The following CACNA1I variants were observed in gnomAD, a reference collection of about 807,000 sequenced individuals.
CACNA1I encodes calcium voltage-gated channel subunit alpha1 I.
Under a neutral mutation model 201.6 loss-of-function variants are expected in CACNA1I, and 74 were observed. That is an observed-to-expected ratio of 0.37 (90% CI 0.30 to 0.45). The LOEUF (loss-of-function observed/expected upper bound fraction) is 0.45, where lower values mean the gene tolerates loss of function less well. CACNA1I is among the 20% of genes least tolerant of loss of function. The pLI, the probability that CACNA1I is intolerant of heterozygous loss-of-function variation, is 1.00. For synonymous variants in CACNA1I, 1,431 were observed against 1,345.2 expected, an observed-to-expected ratio of 1.06 and a Z score of -1.40; for missense variants, 2,346 against 3,138.1, an observed-to-expected ratio of 0.75 and a Z score of 6.03.
intron 5 of CACNA1I, among the ~76,000 whole-genome samples, chr22:39,636,140 C>G (rs746786411): frequency 1.3e-5 from 2 of 152,242 alleles, no homozygotes; most frequent in Non-Finnish European, 2.9e-5. Context: ...CAGAGGCAGG[C>G]TGGGAGCGAG....
chr22:39,590,199 G>T (rs1291676241), intron 1 of CACNA1I, among the ~76,000 whole-genome samples: 2 of 152,198 alleles, frequency 1.3e-5, no homozygotes, highest in African/African-American at 4.8e-5. Context: ...GGCTTCCCTG[G>T]TGACCCTGTC....
At chr22:39,610,019 G>T (rs3788566) in intron 3 of CACNA1I, among the ~76,000 whole-genome samples, 48,354 of 152,154 alleles carry the variant, frequency 0.32, 9,691 homozygotes, top group East Asian at 0.84. Flanking sequence ...GAATCAGAAG[G>T]CAATCACTTG....
intron 16 of CACNA1I, 37 bp from the exon 17 acceptor site, chr22:39,661,928 C>A: frequency 1.5e-6 from 2 of 1,371,146 alleles, no homozygotes; most frequent in Non-Finnish European, 1.9e-6. Context: ...CGTGGGTGTG[C>A]CTGTGGGGCG....
In CACNA1I at chr22:39,682,103, G is replaced by A. The variant is rs576682161; in HGVS notation, c.5665-393G>A. 3.3e-5 allele frequency among the ~76,000 whole-genome samples: 5 copies of A among 152,254 alleles called. No homozygotes were observed. In the East Asian group the frequency reaches 9.7e-4, roughly 29 times the overall value. ...CAGGGCTGAGGAATGTGGGGGCCAG[G>A]GAATGCCTAGGAAGGTAGGCGTTAC... On this transcript the variant is annotated intron_variant, in intron 34 of 36. Transcript: ENST00000402142.
intron 2 of CACNA1I, among the ~76,000 whole-genome samples, chr22:39,599,914 G>A (rs1335304627): frequency 6.6e-6 from 1 of 152,180 alleles, no homozygotes; most frequent in Non-Finnish European, 1.5e-5. Flanking sequence ...CCGCCCTCAG[G>A]AAGCATAATC....
chr22:39,635,037 C>T lies in CACNA1I; in HGVS notation c.740+313C>T, dbSNP rs909244557. ...TTGTGTATGAAAGCAGGGGGCGAGA[C>T]ATTCCTCCGAGAGAGGATTATTGAC... On this transcript the variant is annotated intron_variant, in intron 5 of 36. Coordinates refer to ENST00000402142, the MANE Select transcript of CACNA1I (RefSeq NM_021096.4). Among the ~76,000 whole-genome samples the T allele has an allele frequency of 2.0e-5, 3 of 152,128 alleles. No individual in the cohort carries two copies. The South Asian group carries it at 6.2e-4, about 32-fold the overall frequency.
intron 3 of CACNA1I, 36 bp from the exon 4 acceptor site, chr22:39,619,274 C>T (rs1933655335): frequency 1.3e-6 from 2 of 1,549,366 alleles, no homozygotes; most frequent in South Asian, 2.2e-5. Flanking sequence ...AGCTGGCCTC[C>T]AGCACCATCC....
chr22:39,590,015 C>T (rs959172879), intron 1 of CACNA1I, among the ~76,000 whole-genome samples: 28 of 152,192 alleles, frequency 1.8e-4, no homozygotes, highest in South Asian at 8.3e-4. Flanking sequence ...AACTGAGTGT[C>T]GCCTGGGCCT....
intron 1 of CACNA1I, among the ~76,000 whole-genome samples, chr22:39,592,921 T>C (rs1241253292): frequency 6.6e-6 from 1 of 152,242 alleles, no homozygotes; most frequent in Non-Finnish European, 1.5e-5. Flanking sequence ...CTGGTGCTTT[T>C]GATCCCTGAG....
intron 4 of CACNA1I, among the ~76,000 whole-genome samples, chr22:39,626,207 G>A (rs910943042): frequency 6.6e-6 from 1 of 152,234 alleles, no homozygotes; most frequent in Non-Finnish European, 1.5e-5. Flanking sequence ...GTGCCTCTCC[G>A]TGCCTCTATT....
intron 4 of CACNA1I, among the ~76,000 whole-genome samples, chr22:39,623,243 G>A (rs879579942): frequency 5.3e-5 from 8 of 152,040 alleles, no homozygotes; most frequent in Non-Finnish European, 1.2e-4. Flanking sequence ...GGACGTGTGT[G>A]CACGAGTGTG....
In CACNA1I at chr22:39,666,232, TTAG is replaced by T. The variant is rs1380187428; in HGVS notation, c.4104+230_4104+232del. Among the ~76,000 whole-genome samples, 1 of 152,096 alleles carries T rather than the reference TTAG, an allele frequency of 6.6e-6. No homozygotes were observed. Among genetic ancestry groups the T allele is most frequent in the African/African-American group, 2.4e-5 (1 of 41,408 alleles). On this transcript the variant is annotated intron_variant, in intron 23 of 36. Coordinates refer to ENST00000402142, the MANE Select transcript of CACNA1I (RefSeq NM_021096.4). The surrounding 1 kb of genome is among the most constrained non-coding windows in gnomAD (Gnocchi z 4.1). ...CAGAGTGCCCAGCAAATGCCTGCAC[TTAG>T]TAGGTGCTTTGTGAACATTGGTTCT... is the stretch of plus-strand genomic sequence containing the variant.
intron 3 of CACNA1I, among the ~76,000 whole-genome samples, chr22:39,603,966 G>A (rs1354325485): frequency 6.6e-6 from 1 of 152,196 alleles, no homozygotes; most frequent in Non-Finnish European, 1.5e-5. Context: ...CAGACCTTTA[G>A]TGAACAGGAA....
chr22:39,657,039 C>T lies in CACNA1I; in HGVS notation c.1993-1113C>T, dbSNP rs189997550. On this transcript the variant is annotated intron_variant, in intron 10 of 36. Transcript: ENST00000402142. Reference sequence around the variant, plus strand: ...GATGAATTGGTTCCTCACTCGACCCCGTGGTTTTATGGATAAGGAAACTAA... The same window carrying T: ...GATGAATTGGTTCCTCACTCGACCCTGTGGTTTTATGGATAAGGAAACTAA... 2.7e-3 allele frequency among the ~76,000 whole-genome samples: 404 copies of T among 152,198 alleles called. 1 individual carries two copies. The highest frequency in any genetic ancestry group is 3.6e-3 in the Non-Finnish European group (247 of 68,006).
chr22:39,665,693 G>A lies in CACNA1I; in HGVS notation c.3978+69G>A. On this transcript the variant is annotated intron_variant, in intron 22 of 36. Coordinates refer to ENST00000402142, the MANE Select transcript of CACNA1I (RefSeq NM_021096.4). This position sits in a 1 kb window ranked among gnomAD's most constrained non-coding sequence, Gnocchi z 5.5. ...GGGAAAAGGAAGTCTCAGACAGCCA[G>A]GGGAGAGACTCCACATTCCAACCTC... 6.3e-7 allele frequency: 1 copy of A among 1,582,410 alleles called. No individual in the cohort carries two copies.
chr22:39,619,643 C>T (rs954925039), intron 4 of CACNA1I, among the ~76,000 whole-genome samples: 2 of 152,120 alleles, frequency 1.3e-5, no homozygotes, highest in African/African-American at 4.8e-5. Flanking sequence ...CTTCTGAGTC[C>T]CAGGAGAGTC....
intron 1 of CACNA1I, among the ~76,000 whole-genome samples, chr22:39,580,245 C>T (rs1168459318): frequency 6.6e-6 from 1 of 152,222 alleles, no homozygotes. Context: ...AGCAGCAACA[C>T]ATGTCTGGGA....
intron 1 of CACNA1I, among the ~76,000 whole-genome samples, chr22:39,575,780 ATT>A (rs67493157): frequency 4.8e-5 from 7 of 144,586 alleles, no homozygotes; most frequent in East Asian, 4.1e-4. Flanking sequence ...CTTTTCTTTC[ATT>A]TTTTTTTTTT....
chr22:39,575,775 C>G (rs1478433296), intron 1 of CACNA1I, among the ~76,000 whole-genome samples: 1 of 139,324 alleles, frequency 7.2e-6, no homozygotes, highest in Non-Finnish European at 1.6e-5. Flanking sequence ...TCTTTCTTTT[C>G]TTTCATTTTT....
Sources: gnomAD v4.1 joint callset for allele counts (sites outside exome capture counted in the v4.1 genomes callset) on GRCh38, gnomAD v4.1.1 for gene constraint, Gnocchi (gnomAD v3.1) non-coding constraint, MANE v1.5 for transcripts, NCBI Gene and HGNC (gene_info 2026-07-23, HGNC 2026-07-21) for gene names.